STK39: variants seen among roughly 807,000 people sequenced by gnomAD.
STK39 encodes the protein serine/threonine kinase 39.
STK39 carries 20 observed loss-of-function variants against 77.8 expected under a neutral mutation model. That is an observed-to-expected ratio of 0.26 (90% CI 0.18 to 0.37). The LOEUF (loss-of-function observed/expected upper bound fraction) is 0.37, where lower values mean the gene tolerates loss of function less well. Among genes scored for constraint, STK39 ranks in the 10% least tolerant of loss-of-function variants. STK39 has a pLI of 1.00. For missense variants in STK39, 479 were observed against 656.5 expected, an observed-to-expected ratio of 0.73 and a Z score of 2.95; for synonymous variants, 246 against 234.1, an observed-to-expected ratio of 1.05 and a Z score of -0.47.
At chr2:167,985,404 G>C (rs1172086776) in intron 16 of STK39, among the ~76,000 whole-genome samples, 2 of 152,194 alleles carry the variant, frequency 1.3e-5, no homozygotes, top group African/African-American at 4.8e-5. Context: ...AAAGCAGCTT[G>C]TAATATGTCC....
At chr2:167,957,380 T>C (rs780681678) in intron 17 of STK39, among the ~76,000 whole-genome samples, 3 of 152,214 alleles carry the variant, frequency 2.0e-5, no homozygotes, top group Non-Finnish European at 4.4e-5. Context: ...TCCTTATCAC[T>C]TTCAACAAAG....
At chr2:168,062,047 G>A (rs538207709) in intron 14 of STK39, among the ~76,000 whole-genome samples, 19 of 152,278 alleles carry the variant, frequency 1.2e-4, no homozygotes, top group Non-Finnish European at 2.5e-4. Flanking sequence ...TGGAGAAAAC[G>A]TGAGCTTTAG....
chr2:168,088,037 C>T (rs1053952549), intron 10 of STK39, among the ~76,000 whole-genome samples: 3 of 148,304 alleles, frequency 2.0e-5, no homozygotes, highest in East Asian at 2.0e-4. Context: ...TCAAGAACTA[C>T]GTCTGCTTAG....
chr2:168,116,004 C>G (rs577458291), intron 10 of STK39, among the ~76,000 whole-genome samples: 5 of 152,330 alleles, frequency 3.3e-5, no homozygotes, highest in African/African-American at 1.2e-4. Flanking sequence ...GGGAGCTCAG[C>G]TGCCACTCAA....
At chr2:168,110,627 T>C (rs1687097423) in intron 10 of STK39, among the ~76,000 whole-genome samples, 1 of 152,224 alleles carries the variant, frequency 6.6e-6, no homozygotes, top group African/African-American at 2.4e-5. Context: ...AGATCTATAA[T>C]ACATCCCTGT....
chr2:167,960,901 T>C (rs1266477231), intron 17 of STK39, among the ~76,000 whole-genome samples: 1 of 152,120 alleles, frequency 6.6e-6, no homozygotes, highest in East Asian at 1.9e-4. Flanking sequence ...GGAGGGCTTG[T>C]TAAAACGGAT....
chr2:167,957,949 G>C (rs1242941399), intron 17 of STK39, among the ~76,000 whole-genome samples: 4 of 152,152 alleles, frequency 2.6e-5, no homozygotes, highest in Non-Finnish European at 5.9e-5. Flanking sequence ...TGAAATGTCT[G>C]TCTCCTGGCC....
chr2:168,129,258 G>C (rs1437435140), intron 10 of STK39, among the ~76,000 whole-genome samples: 2 of 152,188 alleles, frequency 1.3e-5, no homozygotes, highest in African/African-American at 2.4e-5. Flanking sequence ...TACCTCTCCA[G>C]TATTTAAACC....
At chr2:168,131,012 A>G (rs1294637079) in intron 8 of STK39, among the ~76,000 whole-genome samples, 1 of 152,230 alleles carries the variant, frequency 6.6e-6, no homozygotes, top group Non-Finnish European at 1.5e-5. Flanking sequence ...GGGAATCATT[A>G]GAGATGTGTG....
chr2:168,101,488 A>G (rs149307427), intron 10 of STK39, among the ~76,000 whole-genome samples: 5 of 152,316 alleles, frequency 3.3e-5, no homozygotes, highest in Non-Finnish European at 7.4e-5. Context: ...CTGTAATCCC[A>G]GCACTTTGGG....
chr2:168,239,071 T>C (rs1690692257), intron 1 of STK39, among the ~76,000 whole-genome samples: 1 of 152,258 alleles, frequency 6.6e-6, no homozygotes, highest in South Asian at 2.1e-4. Flanking sequence ...GTCAGTCCCT[T>C]ATAAGTTATA....
At chr2:168,177,680 A>T (rs1688987970) in intron 2 of STK39, among the ~76,000 whole-genome samples, 1 of 152,196 alleles carries the variant, frequency 6.6e-6, no homozygotes, top group African/African-American at 2.4e-5. Context: ...AGGGAAGTCA[A>T]GAGTGCCCCA....
At chr2:167,963,916 C>G (rs1240135660) in intron 17 of STK39, among the ~76,000 whole-genome samples, 1 of 152,170 alleles carries the variant, frequency 6.6e-6, no homozygotes, top group Non-Finnish European at 1.5e-5. Flanking sequence ...TCTGACCAGC[C>G]TTTGATAAAA....
chr2:168,219,771 G>A lies in STK39; in HGVS notation c.208+27457C>T, dbSNP rs141110834. Among the ~76,000 whole-genome samples, 43 of 151,910 alleles carry A rather than the reference G, an allele frequency of 2.8e-4. 1 individual carries two copies. In the South Asian group the frequency reaches 3.7e-3, roughly 13 times the overall value. ...TATTAGAATCACCATTTAAAAAGAC[G>A]AGACAGTGTTCACAACTTGATAGAT... On this transcript the variant is annotated intron_variant, in intron 1 of 17. Transcript: ENST00000355999.
At chr2:168,004,966 C>A (rs1438702860) in intron 16 of STK39, among the ~76,000 whole-genome samples, 1 of 148,496 alleles carries the variant, frequency 6.7e-6, no homozygotes, top group Non-Finnish European at 1.5e-5. Context: ...GAATACTTAA[C>A]CTTAGCAAGC....
chr2:168,207,308 AG>A (rs1381373598), intron 1 of STK39, among the ~76,000 whole-genome samples: 1 of 152,222 alleles, frequency 6.6e-6, no homozygotes, highest in Admixed American at 6.5e-5. Context: ...CACCCTAACG[AG>A]GGAAGTAACT....
chr2:168,045,368 C>G (rs1429310482), intron 14 of STK39, among the ~76,000 whole-genome samples: 1 of 152,076 alleles, frequency 6.6e-6, no homozygotes, highest in Non-Finnish European at 1.5e-5. Context: ...CCCCACACCC[C>G]CTGCAGCAGG....
chr2:168,145,750 C>G (rs972394177), intron 5 of STK39, among the ~76,000 whole-genome samples: 6 of 152,052 alleles, frequency 3.9e-5, no homozygotes, highest in Non-Finnish European at 7.4e-5. Context: ...GCATTCTAAC[C>G]AAGAATGTCC....
At chr2:168,201,139 G>T (rs1231143885) in intron 1 of STK39, among the ~76,000 whole-genome samples, 1 of 152,178 alleles carries the variant, frequency 6.6e-6, no homozygotes, top group Non-Finnish European at 1.5e-5. Flanking sequence ...ATCTCATATG[G>T]TTTACATTTT....
Sources: allele counts gnomAD v4.1 joint callset (sites outside exome capture counted in the v4.1 genomes callset), GRCh38; gene constraint gnomAD v4.1.1; transcripts MANE v1.5; gene names NCBI Gene and HGNC (gene_info 2026-07-23, HGNC 2026-07-21).